EFCAB6: variants seen among roughly 807,000 people sequenced by gnomAD.
EFCAB6 encodes the protein EF-hand calcium binding domain 6.
A neutral mutation model predicts 169.8 loss-of-function variants in EFCAB6; 156 were observed. That is an observed-to-expected ratio of 0.92 (90% CI 0.81 to 1.05). The LOEUF is 1.05. Ranked by LOEUF, EFCAB6 falls within the 50% of genes least tolerant of loss-of-function variation. The pLI is 0.00. For missense variants in EFCAB6, 1,800 were observed against 1,829.1 expected (o/e 0.98, Z 0.29); for synonymous variants, 698 against 676.4 (o/e 1.03, Z -0.50).
intron 12 of EFCAB6, among the ~76,000 whole-genome samples, chr22:43,679,748 C>T (rs756319035): frequency 3.3e-5 from 5 of 152,026 alleles, no homozygotes; most frequent in Admixed American, 6.5e-5. Flanking sequence ...TATCTTTTCA[C>T]GGGTTCATAA....
chr22:43,655,605 AAAAAAC>A (rs1197359941), intron 17 of EFCAB6, among the ~76,000 whole-genome samples: 1 of 152,210 alleles, frequency 6.6e-6, no homozygotes, highest in Non-Finnish European at 1.5e-5. Flanking sequence ...GTCAAATAGA[AAAAAAC>A]AAAAACATTA....
At chr22:43,742,802 G>A (rs972573376) in intron 6 of EFCAB6, among the ~76,000 whole-genome samples, 2 of 152,212 alleles carry the variant, frequency 1.3e-5, no homozygotes, top group African/African-American at 4.8e-5. Context: ...GGCCACCACC[G>A]CAGCACTGCA....
intron 24 of EFCAB6, among the ~76,000 whole-genome samples, chr22:43,584,322 T>C (rs956047594): frequency 3.9e-4 from 59 of 152,172 alleles, no homozygotes; most frequent in Middle Eastern, 3.4e-3. Flanking sequence ...AGCAAAAGCC[T>C]TTGGAGGCAC....
intron 17 of EFCAB6, among the ~76,000 whole-genome samples, chr22:43,661,076 A>T (rs1016742122): frequency 6.6e-6 from 1 of 152,206 alleles, no homozygotes; most frequent in Admixed American, 6.5e-5. Flanking sequence ...TAACACATTT[A>T]AAAATATACA....
At chr22:43,699,530 T>C (rs984655751) in intron 10 of EFCAB6, among the ~76,000 whole-genome samples, 6 of 152,186 alleles carry the variant, frequency 3.9e-5, no homozygotes, top group African/African-American at 1.2e-4. Flanking sequence ...TCAGTCACTC[T>C]TTTTAGTGTG....
intron 23 of EFCAB6, among the ~76,000 whole-genome samples, chr22:43,595,511 C>A (rs2051931672): frequency 6.6e-6 from 1 of 151,892 alleles, no homozygotes; most frequent in African/African-American, 2.4e-5. Context: ...ATGGGAAAAC[C>A]TAGAAGTGGG....
chr22:43,575,927 T>G (rs1292413060), intron 26 of EFCAB6, among the ~76,000 whole-genome samples: 2 of 152,174 alleles, frequency 1.3e-5, no homozygotes, highest in Non-Finnish European at 2.9e-5. Flanking sequence ...CATGCTATAG[T>G]GTTTGCTGCT....
At chr22:43,540,392 A>C in intron 27 of EFCAB6, 35 bp from the exon 28 acceptor site, 1 of 1,612,572 alleles carries the variant, frequency 6.2e-7, no homozygotes, top group Admixed American at 1.7e-5. Flanking sequence ...CCCAGGTGTC[A>C]GTGCAAACAC....
chr22:43,658,891 C>T (rs975584577), intron 17 of EFCAB6, among the ~76,000 whole-genome samples: 3 of 152,166 alleles, frequency 2.0e-5, no homozygotes, highest in Admixed American at 6.5e-5. Context: ...CTATTCACTC[C>T]TCCCCCAACA....
At chr22:43,757,385 T>A (rs1253300576) in intron 5 of EFCAB6, among the ~76,000 whole-genome samples, 1 of 151,950 alleles carries the variant, frequency 6.6e-6, no homozygotes, top group African/African-American at 2.4e-5. Context: ...CCATCTCTAC[T>A]AAAAATACAG....
intron 10 of EFCAB6, among the ~76,000 whole-genome samples, chr22:43,690,433 G>A (rs949075089): frequency 1.3e-5 from 2 of 150,838 alleles, no homozygotes; most frequent in Non-Finnish European, 3.0e-5. Context: ...GGAGAATGGC[G>A]TGAACCCAGG....
chr22:43,782,750 C>T (rs1253559747), intron 2 of EFCAB6, among the ~76,000 whole-genome samples: 1 of 152,136 alleles, frequency 6.6e-6, no homozygotes, highest in Non-Finnish European at 1.5e-5. Flanking sequence ...CGAAAATCCT[C>T]TCCTTCATTA....
chr22:43,742,049 C>G (rs1282920542), intron 6 of EFCAB6, among the ~76,000 whole-genome samples: 1 of 152,152 alleles, frequency 6.6e-6, no homozygotes, highest in African/African-American at 2.4e-5. Context: ...TCCTCCAAAC[C>G]AGCATGCTTC....
At chr22:43,676,397 C>T (rs540890838) in intron 13 of EFCAB6, among the ~76,000 whole-genome samples, 16 of 136,992 alleles carry the variant, frequency 1.2e-4, no homozygotes, top group Admixed American at 2.4e-4. Context: ...CCAGCCTGGG[C>T]GACAGAGCAA....
At chr22:43,614,362 G>A (rs1276207335) in intron 21 of EFCAB6, among the ~76,000 whole-genome samples, 1 of 151,942 alleles carries the variant, frequency 6.6e-6, no homozygotes, top group Non-Finnish European at 1.5e-5. Flanking sequence ...AGGGGCAAAG[G>A]CAACTCAACA....
chr22:43,544,460 T>C (rs2047926287), intron 27 of EFCAB6, among the ~76,000 whole-genome samples: 1 of 152,114 alleles, frequency 6.6e-6, no homozygotes, highest in East Asian at 1.9e-4. Flanking sequence ...CAGACACAAC[T>C]GCCTGCAAGG....
intron 27 of EFCAB6, among the ~76,000 whole-genome samples, chr22:43,548,569 A>AAAAAAAAAAT (rs1569140151): frequency 7.7e-6 from 1 of 129,812 alleles, no homozygotes; most frequent in African/African-American, 2.9e-5. Flanking sequence ...AAAAAAAAAA[A>AAAAAAAAAAT]AGGTCAACTC....
rs777100630 is a variant in EFCAB6, at chr22:43,711,483, T to C, written c.1023A>G (p.Leu341=). The C allele has an allele frequency of 1.9e-6, 3 of 1,579,658 alleles. No homozygotes were observed. The highest frequency in any genetic ancestry group is 2.4e-5 in the South Asian group (2 of 84,494). ...YQIPRRIFIQ[L]MKRFGLKATT... ...AACAATGAGACTCTTACCTTTTCAT[T>C]AACTGGATAAAAATTCTTCTTGGTA... Residue 341 remains leucine, a synonymous_variant, in exon 10 of 32, where the codon TTA becomes TTG. Transcript: ENST00000262726.
chr22:43,590,042 T>A, intron 24 of EFCAB6, 32 bp downstream of exon 24: 1 of 1,591,162 alleles, frequency 6.3e-7, no homozygotes, highest in Non-Finnish European at 8.6e-7. Flanking sequence ...TTCAGGGCCA[T>A]GAGAAACATA....
Sources: allele counts gnomAD v4.1 joint callset (sites outside exome capture counted in the v4.1 genomes callset), GRCh38; gene constraint gnomAD v4.1.1; transcripts MANE v1.5; gene names NCBI Gene and HGNC (gene_info 2026-07-23, HGNC 2026-07-21).